The following SPATA6 variants were observed in gnomAD, a reference collection of about 807,000 sequenced individuals.
SPATA6 encodes spermatogenesis associated 6.
In SPATA6, 56 loss-of-function variants were observed where a neutral mutation model predicts 65.3. The observed-to-expected ratio is 0.86, with a 90% CI of 0.69 to 1.07. SPATA6 has a LOEUF of 1.07. Ranked by LOEUF, SPATA6 falls within the 50% of genes least tolerant of loss-of-function variation. The pLI is 0.00. For missense variants in SPATA6, 590 were observed against 594.8 expected, an observed-to-expected ratio of 0.99 and a Z score of 0.08; for synonymous variants, 199 against 213.2, an observed-to-expected ratio of 0.93 and a Z score of 0.58.
At chr1:48,281,489 C>G in the SPATA6 span, among the ~76,000 whole-genome samples, 1 of 152,190 alleles carries the variant, frequency 6.6e-6, no homozygotes, top group Non-Finnish European at 1.5e-5. Flanking sequence ...AGCAAAGTCT[C>G]AGGATACAAA....
intron 11 of SPATA6, among the ~76,000 whole-genome samples, chr1:48,318,580 A>T (rs1645507454): frequency 6.6e-6 from 1 of 152,188 alleles, no homozygotes; most frequent in Non-Finnish European, 1.5e-5. Context: ...AATGGCTTAA[A>T]ATGAACACTG....
intron 4 of SPATA6, among the ~76,000 whole-genome samples, 169 bp downstream of exon 4, chr1:48,412,940 TA>T (rs1033283791): frequency 1.3e-5 from 2 of 150,096 alleles, no homozygotes; most frequent in Admixed American, 6.6e-5. Flanking sequence ...GATTTTGAAG[TA>T]AAAAAAAATG....
intron 3 of SPATA6, among the ~76,000 whole-genome samples, chr1:48,437,711 G>A (rs1655068148): frequency 6.6e-6 from 1 of 151,720 alleles, no homozygotes; most frequent in Non-Finnish European, 1.5e-5. Context: ...TTTTTCTTCT[G>A]TTAATACTTA....
At chr1:48,329,207 A>C (rs1645846025) in intron 11 of SPATA6, among the ~76,000 whole-genome samples, 1 of 152,246 alleles carries the variant, frequency 6.6e-6, no homozygotes, top group Non-Finnish European at 1.5e-5. Flanking sequence ...TGAAGAAATC[A>C]CAATAGAAAT....
At chr1:48,314,791 C>T (rs1350573648) in intron 11 of SPATA6, among the ~76,000 whole-genome samples, 1 of 151,984 alleles carries the variant, frequency 6.6e-6, no homozygotes, top group Non-Finnish European at 1.5e-5. Context: ...TGATAGACCG[C>T]TAGCAACACT....
rs142638384 is a variant in SPATA6 at position 48,411,498 on chromosome 1, C to T, written c.371G>A (p.Arg124His). The change falls in exon 5 of 13, where the codon CGC (arginine) becomes CAC (histidine). Residue 124 changes from arginine to histidine, a missense_variant. By Grantham distance (29) the Arg-to-His change is conservative. Transcript: ENST00000371847. ...NQMSGHHDSN[R>H]QVTMRRISGL... Reference sequence around the variant, plus strand: ...AGAAATCCTCCTCATGGTAACCTGGCGGTTTGAATCATGGTGTCCAGACAT... The same window carrying T: ...AGAAATCCTCCTCATGGTAACCTGGTGGTTTGAATCATGGTGTCCAGACAT... 9.9e-6 allele frequency: 16 copies of T among 1,609,024 alleles called. No individual in the cohort carries two copies. Among genetic ancestry groups the T allele is most frequent in the Admixed American group, 6.8e-5 (4 of 59,242 alleles).
intron 11 of SPATA6, among the ~76,000 whole-genome samples, chr1:48,330,143 T>G (rs1313371508): frequency 5.3e-5 from 8 of 151,936 alleles, no homozygotes; most frequent in Non-Finnish European, 7.4e-5. Context: ...TGGTTCAAAC[T>G]TGGTCAGCCA....
At chr1:48,299,031 G>T (rs1378528607) in intron 12 of SPATA6, 138 bp from the exon 13 acceptor site, 7 of 784,880 alleles carry the variant, frequency 8.9e-6, no homozygotes, top group African/African-American at 3.5e-5. Context: ...ACAGAGTAAG[G>T]CCTGTGCTTT....
intron 3 of SPATA6, among the ~76,000 whole-genome samples, chr1:48,431,527 T>G (rs1221768510): frequency 1.3e-5 from 2 of 152,168 alleles, no homozygotes; most frequent in Admixed American, 6.5e-5. Context: ...ATAGACCATA[T>G]GGTAGACCAC....
chr1:48,450,888 T>A (rs1427008332), intron 3 of SPATA6, among the ~76,000 whole-genome samples: 1 of 152,216 alleles, frequency 6.6e-6, no homozygotes, highest in Non-Finnish European at 1.5e-5. Flanking sequence ...GAGCCACATT[T>A]ATACATTAGA....
chr1:48,446,530 A>G (rs965369987), intron 3 of SPATA6, among the ~76,000 whole-genome samples: 1 of 152,198 alleles, frequency 6.6e-6, no homozygotes, highest in African/African-American at 2.4e-5. Flanking sequence ...GTTCCCCTGC[A>G]GTATTTCTTC....
intron 3 of SPATA6, among the ~76,000 whole-genome samples, chr1:48,450,384 A>G (rs977878838): frequency 6.6e-6 from 1 of 152,178 alleles, no homozygotes; most frequent in Non-Finnish European, 1.5e-5. Flanking sequence ...GAAAATTTCC[A>G]AAAAATAATA....
At chr1:48,268,507 C>T in the SPATA6 span, among the ~76,000 whole-genome samples, 1 of 151,754 alleles carries the variant, frequency 6.6e-6, no homozygotes, top group Non-Finnish European at 1.5e-5. Context: ...TAACATTCTC[C>T]AAATTGGAAA....
At chr1:48,361,897 GCTTT>G (rs1344994852) in intron 9 of SPATA6, among the ~76,000 whole-genome samples, 1 of 152,098 alleles carries the variant, frequency 6.6e-6, no homozygotes, top group East Asian at 1.9e-4. Context: ...AGAGAATCAT[GCTTT>G]CATTCCAGAA....
intron 11 of SPATA6, among the ~76,000 whole-genome samples, chr1:48,342,662 CA>C (rs1281386401): frequency 6.7e-6 from 1 of 149,890 alleles, no homozygotes; most frequent in African/African-American, 2.4e-5. Flanking sequence ...ATAAAACATT[CA>C]AAAACAAACA....
At chr1:48,337,493 T>C (rs1323105135) in intron 11 of SPATA6, among the ~76,000 whole-genome samples, 2 of 151,796 alleles carry the variant, frequency 1.3e-5, no homozygotes, top group Non-Finnish European at 2.9e-5. Flanking sequence ...CACTTCTATT[T>C]GATACTATTT....
chr1:48,447,247 G>A (rs1473120014), intron 3 of SPATA6, among the ~76,000 whole-genome samples: 4 of 152,128 alleles, frequency 2.6e-5, no homozygotes, highest in Non-Finnish European at 5.9e-5. Context: ...GGCCAGGCAC[G>A]GTGGCTCATG....
At chr1:48,304,978 T>A (rs748074432) in intron 12 of SPATA6, among the ~76,000 whole-genome samples, 37 of 152,266 alleles carry the variant, frequency 2.4e-4, no homozygotes, top group Non-Finnish European at 3.8e-4. Flanking sequence ...AATTTACCTA[T>A]AATAAACTGT....
intron 3 of SPATA6, among the ~76,000 whole-genome samples, chr1:48,432,835 C>T (rs1173003137): frequency 2.6e-5 from 4 of 152,130 alleles, no homozygotes; most frequent in Non-Finnish European, 5.9e-5. Flanking sequence ...CTCCCATGTT[C>T]ATAGCAGCAT....
Sources: allele counts gnomAD v4.1 joint callset (sites outside exome capture counted in the v4.1 genomes callset), GRCh38; gene constraint gnomAD v4.1.1; transcripts MANE v1.5; gene names NCBI Gene and HGNC (gene_info 2026-07-23, HGNC 2026-07-21).